The following CSNK1A1 variants were observed in gnomAD, a reference collection of about 807,000 sequenced individuals.
The protein encoded by CSNK1A1 is casein kinase I isoform alpha.
A neutral mutation model predicts 46.1 loss-of-function variants in CSNK1A1; 7 were observed. The ratio of observed to expected loss-of-function variants is 0.15; its 90% confidence interval spans 0.09 to 0.29. The LOEUF (loss-of-function observed/expected upper bound fraction) is 0.29, where lower values mean the gene tolerates loss of function less well. Among genes scored for constraint, CSNK1A1 ranks in the 10% least tolerant of loss-of-function variants. The probability of loss-of-function intolerance (pLI) is 1.00; values close to 1 mark genes in which losing one functional copy is unlikely to be tolerated. For missense variants in CSNK1A1, 96 were observed against 417.1 expected (o/e 0.23, Z 6.71); for synonymous variants, 137 against 141.5 (o/e 0.97, Z 0.23).
chr5:149,524,947 T>C (rs1010980586), intron 3 of CSNK1A1, 98 bp downstream of exon 3: 1 of 1,119,654 alleles, frequency 8.9e-7, no homozygotes, highest in Admixed American at 3.1e-5. Context: ...TAAGGTTAAA[T>C]AGTGATGCAC....
At chr5:149,538,014 G>GTTTTTTTTTTTTTTTTTTTT (rs890909710) in intron 2 of CSNK1A1, among the ~76,000 whole-genome samples, 1 of 85,728 alleles carries the variant, frequency 1.2e-5, no homozygotes. Context: ...AGTGTGCCCA[G>GTTTTTTTTTTTTTTTTTTTT]TTTTTTTTTT....
chr5:149,505,392 C>T (rs1760991176), intron 9 of CSNK1A1, 55 bp downstream of exon 9: 2 of 1,573,138 alleles, frequency 1.3e-6, no homozygotes, highest in Admixed American at 1.8e-5. Flanking sequence ...AATGAATTAC[C>T]CAATTTTGTA....
At chr5:149,524,756 A>C (rs571439367) in intron 3 of CSNK1A1, among the ~76,000 whole-genome samples, 15 of 152,322 alleles carry the variant, frequency 9.8e-5, no homozygotes, top group African/African-American at 3.4e-4. Flanking sequence ...CATACACTCT[A>C]AACTCTCCAA....
intron 2 of CSNK1A1, among the ~76,000 whole-genome samples, chr5:149,542,690 ATATTTT>A (rs1173959744): frequency 3.8e-4 from 7 of 18,464 alleles, no homozygotes; most frequent in South Asian, 4.6e-3. Flanking sequence ...ATATATATAT[ATATTTT>A]TTTTTTTTTT....
Position 149,525,276 on chromosome 5 carries a change from A to G in CSNK1A1, c.231-105T>C. 1 of 1,150,128 alleles carries G rather than the reference A, an allele frequency of 8.7e-7. No homozygotes were observed. Among genetic ancestry groups the G allele is most frequent in the Non-Finnish European group, 1.2e-6 (1 of 849,704 alleles). The allele number at this position is 1,150,128 out of a possible 1,614,324, so 71.2% of individuals were successfully genotyped here. ...TCTTTCACTGACTAGGTATTATATA[A>G]GGCGAATGTTCCCCTACTCAGAAGA... On this transcript the variant is annotated intron_variant, in intron 2 of 9. Transcript: ENST00000377843. The surrounding 1 kb of genome is among the most constrained non-coding windows in gnomAD (Gnocchi z 4.2).
rs1761060905 is a variant in CSNK1A1 at position 149,507,215 on chromosome 5, G to T, written c.751-82C>A. 15 of 1,048,832 alleles carry T rather than the reference G, an allele frequency of 1.4e-5. No individual in the cohort carries two copies. The South Asian group carries it at 1.5e-4, about 10-fold the overall frequency. 65.0% of individuals were successfully genotyped at this position (1,048,832 alleles called of 1,614,324 possible). On this transcript the variant is annotated intron_variant, in intron 7 of 9. Transcript: ENST00000377843. Reference sequence around the variant, plus strand: ...AAATGCATTTAAGTATAAGCAAAAAGATATTTTTGGGCGGGATATTTTACC... The same window carrying T: ...AAATGCATTTAAGTATAAGCAAAAATATATTTTTGGGCGGGATATTTTACC...
intron 2 of CSNK1A1, among the ~76,000 whole-genome samples, chr5:149,546,194 G>A (rs563496369): frequency 2.0e-5 from 3 of 151,730 alleles, no homozygotes; most frequent in African/African-American, 7.2e-5. Context: ...GAGCCATGGC[G>A]CCCGGCTTAT....
intron 2 of CSNK1A1, chr5:149,549,636 AAC>A: frequency 1.5e-6 from 1 of 652,968 alleles, no homozygotes. Context: ...TTGGAACAAA[AAC>A]ACAACAAAAG....
In CSNK1A1 at chr5:149,544,737, T is replaced by TATATATATATATATA. The variant is rs1554118044; in HGVS notation, c.230+5337_230+5338insTATATATATATATAT. Among the ~76,000 whole-genome samples the TATATATATATATATA allele has an allele frequency of 4.9e-3, 393 of 80,746 alleles. 22 individuals are homozygous for TATATATATATATATA. Among genetic ancestry groups the TATATATATATATATA allele is most frequent in the East Asian group, 0.021 (50 of 2,418 alleles). 53.0% of individuals were successfully genotyped at this position (80,746 alleles called of 152,430 possible). ...GTGAGGATGATGAGGGTAAAGAGCT[T>TATATATATATATATA]TATATATATATATATATATATATAT... On this transcript the variant is annotated intron_variant, in intron 2 of 9. Transcript: ENST00000377843.
At chr5:149,508,873 A>G (rs1561754371) in intron 7 of CSNK1A1, among the ~76,000 whole-genome samples, 1 of 152,224 alleles carries the variant, frequency 6.6e-6, no homozygotes, top group Non-Finnish European at 1.5e-5. Context: ...CAGAAACATA[A>G]AACACTTATT....
intron 7 of CSNK1A1, among the ~76,000 whole-genome samples, chr5:149,509,344 C>T (rs775682360): frequency 7.2e-5 from 11 of 152,182 alleles, no homozygotes; most frequent in Non-Finnish European, 1.3e-4. Flanking sequence ...CCAGAGCTGG[C>T]AAATAAAATG....
chr5:149,541,569 G>C (rs776372927), intron 2 of CSNK1A1, among the ~76,000 whole-genome samples: 1 of 152,170 alleles, frequency 6.6e-6, no homozygotes, highest in Non-Finnish European at 1.5e-5. Context: ...GTTAAATGAT[G>C]AAAGTTATGA....
intron 2 of CSNK1A1, chr5:149,545,468 GTTGATCCTTGGCCT>G (rs1044072410): frequency 1.8e-6 from 1 of 546,810 alleles, no homozygotes; most frequent in Non-Finnish European, 3.3e-6. Context: ...CTGGGCCTTG[GTTGATCCTTGGCCT>G]TTGGCCCACA....
intron 9 of CSNK1A1, among the ~76,000 whole-genome samples, chr5:149,499,896 A>G (rs896594009): frequency 6.6e-6 from 1 of 150,960 alleles, no homozygotes; most frequent in Non-Finnish European, 1.5e-5. Flanking sequence ...TATTTTGAAT[A>G]TATTAATTAT....
At chr5:149,535,303 A>C (rs1762029460) in intron 2 of CSNK1A1, among the ~76,000 whole-genome samples, 1 of 152,186 alleles carries the variant, frequency 6.6e-6, no homozygotes, top group African/African-American at 2.4e-5. Context: ...TCTTGCTTAG[A>C]TCTAACCCCA....
At chr5:149,507,886 C>T (rs1761087598) in intron 7 of CSNK1A1, among the ~76,000 whole-genome samples, 1 of 152,132 alleles carries the variant, frequency 6.6e-6, no homozygotes, top group Admixed American at 6.5e-5. Context: ...ATTAATAATA[C>T]TGCTAAGTAC....
Position 149,496,724 on chromosome 5 carries a change from C to T in CSNK1A1, c.*129G>A. On this transcript the variant is annotated 3_prime_UTR_variant, in exon 10 of 10. Coordinates refer to ENST00000377843, the MANE Select transcript of CSNK1A1 (RefSeq NM_001892.6). The stretch of plus-strand genomic sequence containing the variant: ...AGTCAGTTTATACTGAAATTAAGTT[C>T]TTTACACCAAGTAAATGGTTGTCCA... The T allele has an allele frequency of 7.5e-7, 1 of 1,331,992 alleles. No homozygotes were observed. The highest frequency in any genetic ancestry group is 1.4e-5 in the South Asian group (1 of 69,760). 82.5% of individuals were successfully genotyped at this position (1,331,992 alleles called of 1,614,324 possible). A position where few individuals can be genotyped will look rare whatever the true frequency, so the allele number is the denominator to read the frequency against.
chr5:149,500,133 TA>T, intron 9 of CSNK1A1, among the ~76,000 whole-genome samples: 1 of 143,848 alleles, frequency 7.0e-6, no homozygotes, highest in South Asian at 2.2e-4. Context: ...TACGCCCAGC[TA>T]ATTTTTTTTT....
At chr5:149,547,897 C>T (rs1762530124) in intron 2 of CSNK1A1, among the ~76,000 whole-genome samples, 1 of 151,032 alleles carries the variant, frequency 6.6e-6, no homozygotes, top group Non-Finnish European at 1.5e-5. Flanking sequence ...TTTGAGATGG[C>T]GTCTCGCTCT....
Sources: gnomAD v4.1 joint callset for allele counts (sites outside exome capture counted in the v4.1 genomes callset) on GRCh38, gnomAD v4.1.1 for gene constraint, Gnocchi (gnomAD v3.1) non-coding constraint, MANE v1.5 for transcripts, NCBI Gene and HGNC (gene_info 2026-07-23, HGNC 2026-07-21) for gene names.